The following SRGAP2C variants were observed in gnomAD, a reference collection of about 807,000 sequenced individuals.
SRGAP2C encodes the protein SLIT-ROBO Rho GTPase-activating protein 2C.
A neutral mutation model predicts 25.1 loss-of-function variants in SRGAP2C; 15 were observed. That is an observed-to-expected ratio of 0.60 (90% CI 0.40 to 0.92). The LOEUF (loss-of-function observed/expected upper bound fraction) is 0.92, where lower values mean the gene tolerates loss of function less well. SRGAP2C is among the 40% of genes least tolerant of loss of function. The pLI is 0.00. For missense variants in SRGAP2C, 144 were observed against 264.4 expected (o/e 0.54, Z 3.16); for synonymous variants, 44 against 96.6 (o/e 0.46, Z 3.19).
At chr1:121,188,833 G>C (rs1570691124) in intron 2 of SRGAP2C, among the ~76,000 whole-genome samples, 2 of 141,654 alleles carry the variant, frequency 1.4e-5, no homozygotes, top group Admixed American at 1.4e-4. Context: ...CAGTGCTGGA[G>C]GTGCCCTAAG....
chr1:121,239,839 C>A (rs1558091105), intron 2 of SRGAP2C, among the ~76,000 whole-genome samples: 1 of 152,408 alleles, frequency 6.6e-6, no homozygotes, highest in South Asian at 2.1e-4. Flanking sequence ...TATTTACTAT[C>A]TGGCCTTTAT....
chr1:121,207,651 G>C (rs1360198885), intron 2 of SRGAP2C, among the ~76,000 whole-genome samples: 1 of 152,164 alleles, frequency 6.6e-6, no homozygotes, highest in Admixed American at 6.5e-5. Context: ...TTGATTGTAG[G>C]ATATGTTGAA....
intron 2 of SRGAP2C, among the ~76,000 whole-genome samples, chr1:121,189,094 G>GTTTT (rs1329333047): frequency 9.4e-5 from 3 of 31,884 alleles, no homozygotes; most frequent in Non-Finnish European, 1.6e-4. Flanking sequence ...AACCAGATAT[G>GTTTT]TCTTTTTTTT....
intron 2 of SRGAP2C, among the ~76,000 whole-genome samples, chr1:121,199,799 A>G (rs1553321394): frequency 6.8e-6 from 1 of 146,210 alleles, no homozygotes; most frequent in African/African-American, 2.6e-5. Flanking sequence ...CGTCTCAAAA[A>G]CAAACAACAA....
At chr1:121,259,843 CTTTT>C (rs782529398) in intron 2 of SRGAP2C, among the ~76,000 whole-genome samples, 3 of 107,736 alleles carry the variant, frequency 2.8e-5, no homozygotes, top group Admixed American at 1.0e-4. Flanking sequence ...TCTTCTTCTA[CTTTT>C]TTTTTTTTTT....
chr1:121,374,661 G>A (rs1437101508), intron 6 of SRGAP2C, among the ~76,000 whole-genome samples, 165 bp from the exon 7 acceptor site: 2 of 152,068 alleles, frequency 1.3e-5, no homozygotes, highest in African/African-American at 2.4e-5. Context: ...GATCTACATT[G>A]TGCCCTTGAA....
At chr1:121,263,698 G>A (rs1302673483) in intron 2 of SRGAP2C, among the ~76,000 whole-genome samples, 2 of 151,586 alleles carry the variant, frequency 1.3e-5, no homozygotes, top group Admixed American at 6.6e-5. Context: ...AAGTTTTAAT[G>A]TCTTTCATTT....
intron 2 of SRGAP2C, among the ~76,000 whole-genome samples, chr1:121,206,323 C>T (rs1281389146): frequency 2.0e-5 from 3 of 152,092 alleles, no homozygotes; most frequent in Non-Finnish European, 2.9e-5. Flanking sequence ...ATGTGGTAGG[C>T]ACCCAATAAA....
intron 2 of SRGAP2C, among the ~76,000 whole-genome samples, chr1:121,198,292 T>TC (rs1417367096): frequency 1.3e-5 from 2 of 151,550 alleles, no homozygotes; most frequent in African/African-American, 4.9e-5. Context: ...TTTTTTTTTT[T>TC]TGTTTGTTTG....
chr1:121,299,591 G>A (rs1657659086), intron 3 of SRGAP2C, among the ~76,000 whole-genome samples: 1 of 78,906 alleles, frequency 1.3e-5, no homozygotes, highest in Non-Finnish European at 2.5e-5. Context: ...TCAACAGTAG[G>A]ATGCTGAGCT....
chr1:121,213,407 G>A (rs1216142634), intron 2 of SRGAP2C, among the ~76,000 whole-genome samples: 2 of 134,638 alleles, frequency 1.5e-5, no homozygotes, highest in South Asian at 2.5e-4. Flanking sequence ...TTTTAGTTAA[G>A]TCTGCTCACT....
rs1217745225 is a variant in SRGAP2C at position 121,392,674 on chromosome 1, G to T, written c.*4819G>T. On this transcript the variant is annotated 3_prime_UTR_variant, in exon 10 of 10. Coordinates refer to ENST00000367123, the MANE Select transcript of SRGAP2C (RefSeq NM_001329984.2). ...TATTCTGAATTATCTAATTCATATT[G>T]TAAGTATAGAGGGAGTTTAATATAA... 1 of 91,856 alleles carries T rather than the reference G, an allele frequency of 1.1e-5. No individual in the cohort carries two copies. The highest frequency in any genetic ancestry group is 2.1e-5 in the Non-Finnish European group (1 of 46,940). The allele number at this position is 91,856 out of a possible 1,614,324, so 5.7% of individuals were successfully genotyped here.
At chr1:121,359,903 C>T (rs1409933371) in intron 4 of SRGAP2C, among the ~76,000 whole-genome samples, 2 of 152,252 alleles carry the variant, frequency 1.3e-5, no homozygotes, top group Non-Finnish European at 2.9e-5. Flanking sequence ...ACTTTTCTGT[C>T]TAGCTAGAGG....
At position 121,221,448 on chromosome 1, in the gene SRGAP2C, C is replaced by T. The variant is rs587617794; in HGVS notation, c.67+33935C>T. On this transcript the variant is annotated intron_variant, in intron 2 of 9. Transcript: ENST00000367123. ...ACATTGGGCCAGGCACGGTGGCTCACGCCTGTAATCCCAGCACTTTGGGAG... is the reference window on the plus strand; with the variant it reads ...ACATTGGGCCAGGCACGGTGGCTCATGCCTGTAATCCCAGCACTTTGGGAG... 2.6e-5 allele frequency among the ~76,000 whole-genome samples: 2 copies of T among 76,394 alleles called. 1 individual carries two copies. Among genetic ancestry groups the T allele is most frequent in the Non-Finnish European group, 5.0e-5 (2 of 39,652 alleles). The allele number at this position is 76,394 out of a possible 152,430, so 50.1% of individuals were successfully genotyped here.
At chr1:121,296,352 C>G (rs1324097171) in intron 3 of SRGAP2C, among the ~76,000 whole-genome samples, 1 of 141,836 alleles carries the variant, frequency 7.1e-6, no homozygotes, top group Non-Finnish European at 1.5e-5. Context: ...TTTGTATCAT[C>G]TGTGATACTC....
intron 4 of SRGAP2C, among the ~76,000 whole-genome samples, chr1:121,338,081 A>C (rs1658560597): frequency 9.5e-6 from 1 of 105,248 alleles, no homozygotes; most frequent in Non-Finnish European, 1.9e-5. Context: ...TCTTCACATC[A>C]TCATGCTCTG....
At chr1:121,320,934 A>G (rs1658190857) in intron 3 of SRGAP2C, among the ~76,000 whole-genome samples, 1 of 152,192 alleles carries the variant, frequency 6.6e-6, no homozygotes, top group Non-Finnish European at 1.5e-5. Context: ...TGAGCCTTCT[A>G]TGGCATGTGA....
At chr1:121,340,179 T>C (rs1658618791) in intron 4 of SRGAP2C, among the ~76,000 whole-genome samples, 1 of 152,182 alleles carries the variant, frequency 6.6e-6, no homozygotes, top group African/African-American at 2.4e-5. Context: ...CCAAGCCTTC[T>C]GACCACATAA....
intron 4 of SRGAP2C, among the ~76,000 whole-genome samples, chr1:121,345,833 T>A (rs1490524719): frequency 6.9e-6 from 1 of 145,880 alleles, no homozygotes; most frequent in East Asian, 2.1e-4. Flanking sequence ...GTATATTTAG[T>A]AGAGACAGGG....
Sources: allele counts gnomAD v4.1 joint callset (sites outside exome capture counted in the v4.1 genomes callset), GRCh38; gene constraint gnomAD v4.1.1; transcripts MANE v1.5; gene names NCBI Gene and HGNC (gene_info 2026-07-23, HGNC 2026-07-21).